The following NUP210 variants were observed in gnomAD, a reference collection of about 807,000 sequenced individuals.
The protein encoded by NUP210 is nucleoporin 210.
NUP210 carries 151 observed loss-of-function variants against 196.0 expected under a neutral mutation model. The ratio of observed to expected loss-of-function variants is 0.77; its 90% CI spans 0.67 to 0.88. The LOEUF (loss-of-function observed/expected upper bound fraction) is 0.88, where lower values mean the gene tolerates loss of function less well. Among genes scored for constraint, NUP210 ranks in the 40% least tolerant of loss-of-function variants. The pLI is 0.00. For synonymous variants in NUP210, 1,070 were observed against 1,052.7 expected (o/e 1.02, Z -0.32); for missense variants, 2,314 against 2,493.7 (o/e 0.93, Z 1.53).
In NUP210 at chr3:13,323,462, A is replaced by G; in HGVS notation, c.4645-30T>C. The G allele has an allele frequency of 6.2e-7, 1 of 1,612,916 alleles. No individual in the cohort carries two copies. Among genetic ancestry groups the G allele is most frequent in the Non-Finnish European group, 8.5e-7 (1 of 1,179,488 alleles). The stretch of plus-strand genomic sequence containing the variant: ...AGAGGGAGCCAAGGAAGCTTCATGG[A>G]GCGCCGCCTGTGTCCCGGTCCATGC... On this transcript the variant is annotated intron_variant, in intron 33 of 39. Transcript: ENST00000254508. This position sits in a 1 kb window ranked among gnomAD's most constrained non-coding sequence, Gnocchi z 4.3.
intron 13 of NUP210, among the ~76,000 whole-genome samples, chr3:13,367,061 G>A (rs988873954): frequency 6.6e-6 from 1 of 152,108 alleles, no homozygotes; most frequent in African/African-American, 2.4e-5. Flanking sequence ...AGGAGGCAGA[G>A]GTTGCAGTGA....
intron 11 of NUP210, among the ~76,000 whole-genome samples, chr3:13,375,072 G>T (rs1226012543): frequency 6.6e-6 from 1 of 151,210 alleles, no homozygotes; most frequent in Non-Finnish European, 1.5e-5. Context: ...TTTCAAAAAA[G>T]ATTTTTAGAA....
Position 13,339,836 on chromosome 3 carries a change from C to T in NUP210, c.3471+18G>A. The T allele has an allele frequency of 6.2e-7, 1 of 1,602,284 alleles. No individual in the cohort carries two copies. The highest frequency in any genetic ancestry group is 1.7e-5 in the Admixed American group (1 of 60,024). ...GTCCCAGGCACAGCTGCCCAGTCTC[C>T]AATAGCACGCCTGTTACCTGAGAGA... On this transcript the variant is annotated intron_variant, in intron 25 of 39. Coordinates refer to ENST00000254508, the MANE Select transcript of NUP210 (RefSeq NM_024923.4).
rs77736879 is a variant in NUP210 at position 13,367,408 on chromosome 3, G to A, written c.1787-1317C>T. 4.2e-3 allele frequency among the ~76,000 whole-genome samples: 642 copies of A among 152,242 alleles called. 2 individuals carry two copies. Among genetic ancestry groups the A allele is most frequent in the African/African-American group, 0.015 (611 of 41,538 alleles). ...CGAGAACGCACCATTGCACTCCCAC[G>A]TAGGCAACGAGGGAGCAAAACTCAG... On this transcript the variant is annotated intron_variant, in intron 13 of 39. Transcript: ENST00000254508.
chr3:13,384,075 G>A lies in NUP210; in HGVS notation c.817+2200C>T, dbSNP rs536295293. Reference sequence around the variant, plus strand: ...CCTCCTGGGTTCAAGTGATTCTCCTGTCTCAGCCTCTTGAGTAGCTGGGAT... The same window carrying A: ...CCTCCTGGGTTCAAGTGATTCTCCTATCTCAGCCTCTTGAGTAGCTGGGAT... On this transcript the variant is annotated intron_variant, in intron 6 of 39. Transcript: ENST00000254508. Among the ~76,000 whole-genome samples, 16 of 152,322 alleles carry A rather than the reference G, an allele frequency of 1.1e-4. No individual in the cohort carries two copies. The South Asian group carries it at 3.3e-3, about 32-fold the overall frequency.
In NUP210 at chr3:13,325,913, C is replaced by T; in HGVS notation, c.4526G>A (p.Ser1509Asn). 1.9e-6 allele frequency: 3 copies of T among 1,614,072 alleles called. No individual in the cohort carries two copies. The highest frequency in any genetic ancestry group is 2.5e-6 in the Non-Finnish European group (3 of 1,180,018). ...GTGGAGGATGCTGTTGGCCGAGGAG[C>T]TCCAGGTTCCTGAGAGGCCTGGAGA... is the stretch of plus-strand genomic sequence containing the variant. ...TSLEGLSGTW[S>N]SSANSILHID... is the part of the protein sequence containing the mutation. The change falls in exon 33 of 40, where the codon AGC becomes AAC. Residue 1509 changes from serine to asparagine, a missense_variant. Transcript: ENST00000254508.
chr3:13,378,932 A>T lies in NUP210; in HGVS notation c.1025T>A (p.Val342Glu), dbSNP rs1699013742. The T allele has an allele frequency of 6.2e-7, 1 of 1,613,986 alleles. No homozygotes were observed. The highest frequency in any genetic ancestry group is 1.7e-5 in the Admixed American group (1 of 60,014). The stretch of plus-strand genomic sequence containing the variant: ...CTCACCTAGGTATCCAGGTTCGACC[A>T]CGTAGATAGTGCTGTTGGGTAACCT... Reference protein sequence around the residue: ...ASRLPNSTIYVVEPGYLGFTV... With the variant: ...ASRLPNSTIYEVEPGYLGFTV... Residue 342 changes from valine (V) to glutamate (E), a missense_variant, in exon 8 of 40, where the codon GTG (valine) becomes GAG (glutamate). Val to Glu is a moderately radical substitution (Grantham distance 121). Coordinates refer to ENST00000254508, the MANE Select transcript of NUP210 (RefSeq NM_024923.4).
chr3:13,397,680 G>T (rs938806668), intron 2 of NUP210, among the ~76,000 whole-genome samples, 192 bp from the exon 3 acceptor site: 3 of 152,170 alleles, frequency 2.0e-5, no homozygotes, highest in Non-Finnish European at 2.9e-5. Context: ...GGGCTGTGGG[G>T]GCCTTGTCAC....
chr3:13,388,633 A>G (rs1044091609), intron 4 of NUP210, among the ~76,000 whole-genome samples, 180 bp from the exon 5 acceptor site: 10 of 152,234 alleles, frequency 6.6e-5, no homozygotes, highest in African/African-American at 2.2e-4. Flanking sequence ...CTACATCAGA[A>G]CTGCCAAAGT....
At chr3:13,397,294 G>C in intron 3 of NUP210, 63 bp downstream of exon 3, 1 of 1,567,690 alleles carries the variant, frequency 6.4e-7, no homozygotes, top group Non-Finnish European at 8.6e-7. Context: ...AGAGGCCAGA[G>C]TCATGGTGGG....
intron 20 of NUP210, among the ~76,000 whole-genome samples, chr3:13,346,604 G>T (rs1018718614): frequency 6.6e-6 from 1 of 152,212 alleles, no homozygotes; most frequent in African/African-American, 2.4e-5. Context: ...GGCTGAAACT[G>T]TCAAATACCT....
At chr3:13,396,305 A>T (rs574726874) in intron 3 of NUP210, among the ~76,000 whole-genome samples, 27 of 152,146 alleles carry the variant, frequency 1.8e-4, no homozygotes, top group African/African-American at 4.8e-4. Flanking sequence ...TGATCCAGAA[A>T]TTTTTTTTCA....
In NUP210 at chr3:13,319,316, C is replaced by T. The variant is rs1255361503; in HGVS notation, c.5393G>A (p.Ser1798Asn). Reference sequence around the variant, plus strand: ...GGAATCCAGGAAGTGCTGGAAGAGGCTGGCTCCATCTGCCATCAATGGGAA... The same window carrying T: ...GGAATCCAGGAAGTGCTGGAAGAGGTTGGCTCCATCTGCCATCAATGGGAA... ...DRRGPGPYGA[S>N]LFQHFLDSYQ... The change falls in exon 38 of 40, where the codon AGC (serine) becomes AAC (asparagine). Residue 1798 changes from serine to asparagine, a missense_variant. Coordinates refer to ENST00000254508, the MANE Select transcript of NUP210 (RefSeq NM_024923.4). 2.5e-6 allele frequency: 4 copies of T among 1,608,938 alleles called. No homozygotes were observed. The Admixed American group carries it at 6.7e-5, about 27-fold the overall frequency.
chr3:13,382,768 A>G (rs142257024), intron 6 of NUP210, among the ~76,000 whole-genome samples: 9 of 152,344 alleles, frequency 5.9e-5, no homozygotes, highest in African/African-American at 1.7e-4. Flanking sequence ...CAGGTCCCCT[A>G]TGAAGACACC....
chr3:13,322,487 A>AG, intron 34 of NUP210, 148 bp from the exon 35 acceptor site: 1 of 773,992 alleles, frequency 1.3e-6, no homozygotes, highest in Non-Finnish European at 2.1e-6. Context: ...CAAAGCTTTG[A>AG]GATGCAGCCA....
At position 13,385,090 on chromosome 3, in the gene NUP210, G is replaced by A. The variant is rs573745886; in HGVS notation, c.817+1185C>T. Among the ~76,000 whole-genome samples, 6 of 152,320 alleles carry A rather than the reference G, an allele frequency of 3.9e-5. No homozygotes were observed. The East Asian group carries it at 1.2e-3, about 29-fold the overall frequency. On this transcript the variant is annotated intron_variant, in intron 6 of 39. Transcript: ENST00000254508. ...CCAGAAAGAACTGGGCCCAAAGGCA[G>A]GAGCGCCTGTCTTCAGTTTTTTTGT...
In NUP210 at chr3:13,340,700, C is replaced by A. The variant is rs762991262; in HGVS notation, c.3229-402G>T. On this transcript the variant is annotated intron_variant, in intron 23 of 39. Transcript: ENST00000254508. This position sits in a 1 kb window ranked among gnomAD's most constrained non-coding sequence, Gnocchi z 4.0. The stretch of plus-strand genomic sequence containing the variant: ...GCAATGTACAGCCCCAGCCACCTGG[C>A]CTGTGGAGCCAGGGGTGGCCCCACA... Among the ~76,000 whole-genome samples the A allele has an allele frequency of 5.9e-5, 9 of 152,270 alleles. No homozygotes were observed. Among genetic ancestry groups the A allele is most frequent in the Non-Finnish European group, 1.2e-4 (8 of 68,004 alleles).
chr3:13,346,216 C>T (rs553256606), intron 20 of NUP210, among the ~76,000 whole-genome samples: 2 of 152,182 alleles, frequency 1.3e-5, no homozygotes, highest in African/African-American at 2.4e-5. Context: ...CACCCCACAG[C>T]GATGCTGTAA....
At chr3:13,373,933 G>A (rs1698813777) in intron 11 of NUP210, 60 bp from the exon 12 acceptor site, 1 of 1,584,712 alleles carries the variant, frequency 6.3e-7, no homozygotes, top group South Asian at 1.1e-5. Flanking sequence ...GGGGAAGTCA[G>A]AGGGTCAGAG....
Sources: gnomAD v4.1 joint callset for allele counts (sites outside exome capture counted in the v4.1 genomes callset) on GRCh38, gnomAD v4.1.1 for gene constraint, Gnocchi (gnomAD v3.1) non-coding constraint, MANE v1.5 for transcripts, NCBI Gene and HGNC (gene_info 2026-07-23, HGNC 2026-07-21) for gene names.